Variants in THOC1 observed in about 807,000 individuals in gnomAD.
THOC1 encodes the protein THO complex 1.
Under a neutral mutation model 97.3 loss-of-function variants are expected in THOC1, and 29 were observed. The ratio of observed to expected loss-of-function variants is 0.30; its 90% confidence interval spans 0.22 to 0.41. The LOEUF (loss-of-function observed/expected upper bound fraction) is 0.41. Among genes scored for constraint, THOC1 ranks in the 10% least tolerant of loss-of-function variants. The pLI is 1.00. For missense variants in THOC1, 529 were observed against 761.9 expected (o/e 0.69, Z 3.60); for synonymous variants, 255 against 257.0 (o/e 0.99, Z 0.07).
chr18:223,185 G>A (rs10221349), intron 17 of THOC1, among the ~76,000 whole-genome samples: 24,942 of 152,046 alleles, frequency 0.16, 2,446 homozygotes, highest in African/African-American at 0.26. Flanking sequence ...CCCTAGAACC[G>A]TATCAGTTCA....
intron 9 of THOC1, among the ~76,000 whole-genome samples, 152 bp downstream of exon 9, chr18:252,387 C>T (rs1160546081): frequency 3.9e-5 from 6 of 152,072 alleles, no homozygotes; most frequent in Non-Finnish European, 7.4e-5. Flanking sequence ...TAGTGATTTA[C>T]GATTTATTAA....
intron 11 of THOC1, among the ~76,000 whole-genome samples, chr18:241,365 T>C (rs1911894586): frequency 6.6e-6 from 1 of 152,132 alleles, no homozygotes; most frequent in African/African-American, 2.4e-5. Flanking sequence ...ATATGGATAG[T>C]TTCTTACTGC....
chr18:248,241 T>C (rs1412885280), intron 9 of THOC1, among the ~76,000 whole-genome samples: 3 of 152,254 alleles, frequency 2.0e-5, no homozygotes, highest in South Asian at 2.1e-4. Context: ...GCTGCTCGCA[T>C]GGTCATGTGA....
chr18:222,447 T>C (rs906505735), intron 17 of THOC1, among the ~76,000 whole-genome samples: 13 of 152,212 alleles, frequency 8.5e-5, no homozygotes, highest in African/African-American at 3.1e-4. Context: ...CAGAATTTTT[T>C]AGTTGAAATG....
chr18:218,838 GA>G (rs1567841753), intron 18 of THOC1, 47 bp downstream of exon 18: 1 of 1,480,136 alleles, frequency 6.8e-7, no homozygotes. Flanking sequence ...TCCTAAGGAA[GA>G]AACAAATTGA....
Position 235,420 on chromosome 18 carries a change from C to G in THOC1, c.919-8519G>C, listed in dbSNP as rs139262496. 5.9e-5 allele frequency among the ~76,000 whole-genome samples: 9 copies of G among 152,124 alleles called. No individual in the cohort carries two copies. The East Asian group carries it at 1.7e-3, about 29-fold the overall frequency. On this transcript the variant is annotated intron_variant, in intron 11 of 20. Coordinates refer to ENST00000261600, the MANE Select transcript of THOC1 (RefSeq NM_005131.3). ...ACTTTTTCTAACTTCTTGAGTTGAA[C>G]GCTCAATTTGTCACTCTTTCTTGAC...
In THOC1 at chr18:225,150, A is replaced by G; in HGVS notation, c.1087-11T>C. The G allele has an allele frequency of 6.4e-7, 1 of 1,566,482 alleles. No homozygotes were observed. The highest frequency in any genetic ancestry group is 8.7e-7 in the Non-Finnish European group (1 of 1,155,226). On this transcript the variant is annotated splice_polypyrimidine_tract_variant and intron_variant, in intron 13 of 20. Transcript: ENST00000261600. ...GTTTTCAGATAGTAGCTGTGATTAG[A>G]AAGAATATACTAAGCTTTCAACAAC... is the stretch of plus-strand genomic sequence containing the variant.
rs538618850 is a variant in THOC1 at position 254,128 on chromosome 18, T to C, written c.603+145A>G. Reference sequence around the variant, plus strand: ...GGATTTGCCATGTTGTCCAGGCTGGTCTTGAACTCCTAGGCTCAAGCGATC... The same window carrying C: ...GGATTTGCCATGTTGTCCAGGCTGGCCTTGAACTCCTAGGCTCAAGCGATC... On this transcript the variant is annotated intron_variant, in intron 8 of 20. Transcript: ENST00000261600. This position sits in a 1 kb window ranked among gnomAD's most constrained non-coding sequence, Gnocchi z 4.1. 1.3e-5 allele frequency: 8 copies of C among 607,214 alleles called. No homozygotes were observed. The South Asian group carries it at 1.5e-4, about 11-fold the overall frequency. 37.6% of individuals were successfully genotyped at this position (607,214 alleles called of 1,614,324 possible).
Position 214,782 on chromosome 18 carries a change from A to G in THOC1, c.1818T>C (p.Ser606=). The change falls in exon 21 of 21, where the codon AGT becomes AGC. Residue 606 remains serine (S), a synonymous_variant. Coordinates refer to ENST00000261600, the MANE Select transcript of THOC1 (RefSeq NM_005131.3). ...GCTTAGCTCTCATCTTCATGTCTTC[A>G]CTGTCACACTCAATCTGCCTAATTT... ...DSEIRQIECD[S]EDMKMRAKQL... is the part of the protein sequence containing the mutation. The G allele has an allele frequency of 6.2e-7, 1 of 1,613,916 alleles. No individual in the cohort carries two copies.
At chr18:246,583 C>T in intron 10 of THOC1, 128 bp from the exon 11 acceptor site, 1 of 679,590 alleles carries the variant, frequency 1.5e-6, no homozygotes, top group Non-Finnish European at 2.4e-6. Context: ...GCAAGGCACA[C>T]TAACAATACA....
chr18:223,813 C>G (rs533519577), intron 16 of THOC1, among the ~76,000 whole-genome samples: 95 of 152,212 alleles, frequency 6.2e-4, no homozygotes, highest in African/African-American at 2.3e-3. Flanking sequence ...TGGTACCTTG[C>G]AACAACTGGA....
At chr18:239,624 C>A (rs577768295) in intron 11 of THOC1, among the ~76,000 whole-genome samples, 1 of 152,230 alleles carries the variant, frequency 6.6e-6, no homozygotes, top group South Asian at 2.1e-4. Context: ...TGTTTTTAAA[C>A]CTATGTATCT....
intron 11 of THOC1, among the ~76,000 whole-genome samples, chr18:228,283 C>T (rs1241473488): frequency 2.0e-5 from 3 of 152,146 alleles, no homozygotes; most frequent in Admixed American, 6.5e-5. Flanking sequence ...CCAGGTCTCT[C>T]GCTCAGTTGC....
At chr18:221,408 T>C (rs1223082190) in intron 17 of THOC1, among the ~76,000 whole-genome samples, 2 of 152,146 alleles carry the variant, frequency 1.3e-5, no homozygotes, top group Admixed American at 6.5e-5. Flanking sequence ...TTAAAATGTG[T>C]ATATTTCTAT....
At position 246,401 on chromosome 18, in the gene THOC1, C is replaced by G; in HGVS notation, c.841G>C (p.Ala281Pro). ...AATTCTTCCATCTTTTTTCTTGAGGCCTGAGTATCATCTAATTTATAACTC... is the reference window on the plus strand; with the variant it reads ...AATTCTTCCATCTTTTTTCTTGAGGGCTGAGTATCATCTAATTTATAACTC... ...FKSYKLDDTQASRKKMEELKT... is the reference protein window; with the variant it reads ...FKSYKLDDTQPSRKKMEELKT... Residue 281 changes from alanine to proline, a missense_variant, in exon 11 of 21, where the codon GCC becomes CCC. By Grantham distance (27) the Ala-to-Pro change is conservative (BLOSUM62 -1). Around this residue, in one of 8 missense-constraint regions of THOC1, gnomAD observed 92 missense variants for 127.0 expected, o/e 0.72. Transcript: ENST00000261600. 3 of 1,600,868 alleles carry G rather than the reference C, an allele frequency of 1.9e-6. No homozygotes were observed. Among genetic ancestry groups the G allele is most frequent in the Non-Finnish European group, 2.6e-6 (3 of 1,170,362 alleles).
chr18:223,344 A>T, intron 17 of THOC1, 96 bp downstream of exon 17: 1 of 988,020 alleles, frequency 1.0e-6, no homozygotes, highest in Non-Finnish European at 1.4e-6. Context: ...ATAAACTTTT[A>T]AATTTCATTT....
intron 11 of THOC1, among the ~76,000 whole-genome samples, chr18:231,204 C>G (rs1370662823): frequency 6.6e-6 from 1 of 152,182 alleles, no homozygotes; most frequent in Non-Finnish European, 1.5e-5. Context: ...CCGCCCTGGT[C>G]TCCTAAATAG....
At chr18:236,350 C>CTTTT (rs71174215) in intron 11 of THOC1, among the ~76,000 whole-genome samples, 7 of 88,374 alleles carry the variant, frequency 7.9e-5, no homozygotes, top group African/African-American at 8.3e-5. Flanking sequence ...GAATAAGATT[C>CTTTT]TTTTTTTTTT....
In THOC1 at chr18:234,573, G is replaced by A. The variant is rs572707988; in HGVS notation, c.919-7672C>T. Among the ~76,000 whole-genome samples the A allele has an allele frequency of 5.8e-4, 88 of 150,792 alleles. 1 individual carries two copies. Among genetic ancestry groups the A allele is most frequent in the Admixed American group, 2.4e-3 (36 of 15,164 alleles). ...TTTTTTGTTTTGTTTTTTCAGACAC[G>A]GTCTTGCTGTGTTGCCCAGGCTGGT... On this transcript the variant is annotated intron_variant, in intron 11 of 20. Coordinates refer to ENST00000261600, the MANE Select transcript of THOC1 (RefSeq NM_005131.3).
Sources: gnomAD v4.1 joint callset for allele counts (sites outside exome capture counted in the v4.1 genomes callset) on GRCh38, gnomAD v4.1.1 for gene constraint, gnomAD v4.1.1 regional missense constraint, Gnocchi (gnomAD v3.1) non-coding constraint, MANE v1.5 for transcripts, NCBI Gene and HGNC (gene_info 2026-07-23, HGNC 2026-07-21) for gene names.